OSTF1: variants seen among roughly 807,000 people sequenced by gnomAD.
OSTF1 encodes osteoclast-stimulating factor 1.
Under a neutral mutation model 37.2 loss-of-function variants are expected in OSTF1, and 27 were observed. The observed-to-expected ratio is 0.73, with a 90% CI of 0.54 to 1.00. The LOEUF (loss-of-function observed/expected upper bound fraction) is 1.00. Among genes scored for constraint, OSTF1 ranks in the 50% least tolerant of loss-of-function variants. The pLI is 0.00. For missense variants in OSTF1, 232 were observed against 253.8 expected, an observed-to-expected ratio of 0.91 and a Z score of 0.58; for synonymous variants, 82 against 89.2, an observed-to-expected ratio of 0.92 and a Z score of 0.46.
intron 1 of OSTF1, among the ~76,000 whole-genome samples, chr9:75,093,477 G>C (rs1328670550): frequency 2.0e-5 from 3 of 152,204 alleles, no homozygotes; most frequent in Non-Finnish European, 4.4e-5. Context: ...ATCTATTGTA[G>C]TTGGAAACCT....
intron 1 of OSTF1, among the ~76,000 whole-genome samples, chr9:75,091,212 G>A (rs1824969293): frequency 6.6e-6 from 1 of 151,096 alleles, no homozygotes; most frequent in African/African-American, 2.4e-5. Flanking sequence ...AGCCTCCCGA[G>A]CAGCTGGGAT....
intron 1 of OSTF1, among the ~76,000 whole-genome samples, chr9:75,105,031 A>G (rs1190650641): frequency 3.3e-5 from 5 of 152,230 alleles, no homozygotes; most frequent in Non-Finnish European, 7.3e-5. Flanking sequence ...TGTCTGGCCC[A>G]TGGTAAGTGT....
At chr9:75,117,905 T>G (rs1464934835) in intron 2 of OSTF1, among the ~76,000 whole-genome samples, 1 of 152,218 alleles carries the variant, frequency 6.6e-6, no homozygotes, top group Non-Finnish European at 1.5e-5. Context: ...TCAAAATAGC[T>G]CATAATGATA....
chr9:75,107,412 A>G (rs932499348), intron 1 of OSTF1, among the ~76,000 whole-genome samples: 1 of 152,200 alleles, frequency 6.6e-6, no homozygotes, highest in Non-Finnish European at 1.5e-5. Context: ...TGAGAAAGAT[A>G]TATGTATAAA....
chr9:75,117,649 T>C (rs2118516713), intron 2 of OSTF1, 99 bp downstream of exon 2: 5 of 849,400 alleles, frequency 5.9e-6, no homozygotes, highest in East Asian at 2.4e-5. Context: ...TTTTCTTTGA[T>C]AGACCTAGGT....
intron 1 of OSTF1, among the ~76,000 whole-genome samples, chr9:75,095,837 A>G (rs1405244190): frequency 6.6e-6 from 1 of 151,766 alleles, no homozygotes; most frequent in Non-Finnish European, 1.5e-5. Flanking sequence ...AACGAGTTGA[A>G]GAGATTTAGC....
chr9:75,143,440 CA>C (rs760671705), intron 9 of OSTF1, among the ~76,000 whole-genome samples: 4 of 152,078 alleles, frequency 2.6e-5, no homozygotes, highest in Non-Finnish European at 5.9e-5. Flanking sequence ...CACCACAACC[CA>C]GATGAAGCTA....
chr9:75,099,587 G>A (rs2118409504), intron 1 of OSTF1, among the ~76,000 whole-genome samples: 2 of 152,262 alleles, frequency 1.3e-5, no homozygotes, highest in South Asian at 4.1e-4. Context: ...CAGCACTTTG[G>A]GAGGCCAAGG....
chr9:75,102,891 A>G (rs1825218298), intron 1 of OSTF1, among the ~76,000 whole-genome samples: 1 of 152,186 alleles, frequency 6.6e-6, no homozygotes, highest in Admixed American at 6.5e-5. Flanking sequence ...CTATGTTCTC[A>G]GTTTTGTGGG....
rs1316558017 is a variant in OSTF1 at position 75,127,896 on chromosome 9, G to GA, written c.132+286dup. ...TATGCTATTATGAAGTAATTTAAGTGAAAAAAAAAGCAAAGTGAGAAAATG... is the reference window on the plus strand; with the variant it reads ...TATGCTATTATGAAGTAATTTAAGTGAAAAAAAAAAGCAAAGTGAGAAAATG... On this transcript the variant is annotated intron_variant, in intron 3 of 9. Transcript: ENST00000346234. 1.7e-4 allele frequency among the ~76,000 whole-genome samples: 26 copies of GA among 148,946 alleles called. No individual in the cohort carries two copies. In the East Asian group the frequency reaches 3.0e-3, roughly 17 times the overall value.
chr9:75,126,397 A>T lies in OSTF1; in HGVS notation c.82-1172A>T, dbSNP rs926140463. On this transcript the variant is annotated intron_variant, in intron 2 of 9. Transcript: ENST00000346234. ...TAATGCATAGTTGTGTTCTTATCACATGTGAAATTTGTGTCCTACATTTTT... is the reference window on the plus strand; with the variant it reads ...TAATGCATAGTTGTGTTCTTATCACTTGTGAAATTTGTGTCCTACATTTTT... Among the ~76,000 whole-genome samples, 6 of 152,284 alleles carry T rather than the reference A, an allele frequency of 3.9e-5. No homozygotes were observed. In the East Asian group the frequency reaches 1.2e-3, roughly 29 times the overall value.
At chr9:75,129,687 T>C (rs1450604413) in intron 3 of OSTF1, among the ~76,000 whole-genome samples, 1 of 152,154 alleles carries the variant, frequency 6.6e-6, no homozygotes, top group Non-Finnish European at 1.5e-5. Context: ...GCAAAATCCA[T>C]AGAGGTTGAC....
chr9:75,098,083 C>A (rs1376087248), intron 1 of OSTF1, among the ~76,000 whole-genome samples: 1 of 152,128 alleles, frequency 6.6e-6, no homozygotes, highest in Admixed American at 6.6e-5. Flanking sequence ...GTTTCTTCAT[C>A]TCATGCTAAA....
At chr9:75,090,319 G>C (rs1393299554) in intron 1 of OSTF1, among the ~76,000 whole-genome samples, 2 of 118,366 alleles carry the variant, frequency 1.7e-5, no homozygotes. Context: ...GTGTGTGTGT[G>C]TGTGTGTGTG....
intron 1 of OSTF1, among the ~76,000 whole-genome samples, chr9:75,111,426 G>C (rs1318042998): frequency 1.3e-5 from 2 of 152,158 alleles, no homozygotes; most frequent in African/African-American, 4.8e-5. Context: ...GGACTGGCAA[G>C]GTGAGGAGCC....
chr9:75,106,192 A>G (rs571517844), intron 1 of OSTF1, among the ~76,000 whole-genome samples: 1 of 152,294 alleles, frequency 6.6e-6, no homozygotes, highest in Non-Finnish European at 1.5e-5. Context: ...CTTTAAAGGT[A>G]TATGTGCAAA....
chr9:75,131,872 G>C, intron 5 of OSTF1, 49 bp downstream of exon 5: 1 of 1,390,398 alleles, frequency 7.2e-7, no homozygotes, highest in Non-Finnish European at 1.0e-6. Context: ...TAAAAGGCAC[G>C]GATTTCAATT....
intron 1 of OSTF1, among the ~76,000 whole-genome samples, chr9:75,106,785 C>T (rs1384539781): frequency 6.6e-6 from 1 of 150,928 alleles, no homozygotes; most frequent in African/African-American, 2.4e-5. Context: ...GAAACCCCGT[C>T]TCTACTAAAA....
intron 1 of OSTF1, among the ~76,000 whole-genome samples, chr9:75,091,875 T>G (rs187161593): frequency 1.3e-4 from 20 of 152,320 alleles, no homozygotes; most frequent in Admixed American, 6.5e-4. Flanking sequence ...ATAGTGCTCA[T>G]AAAATTAAAA....
Sources: allele counts gnomAD v4.1 joint callset (sites outside exome capture counted in the v4.1 genomes callset), GRCh38; gene constraint gnomAD v4.1.1; transcripts MANE v1.5; gene names NCBI Gene and HGNC (gene_info 2026-07-23, HGNC 2026-07-21).